BOD1L1: variants seen among roughly 807,000 people sequenced by gnomAD.
The protein encoded by BOD1L1 is biorientation of chromosomes in cell division 1 like 1, also known as biorientation of chromosomes in cell division protein 1-like 1.
Under a neutral mutation model 240.7 loss-of-function variants are expected in BOD1L1, and 86 were observed. The ratio of observed to expected loss-of-function variants is 0.36; its 90% CI spans 0.30 to 0.43. BOD1L1 has a LOEUF of 0.43. Among genes scored for constraint, BOD1L1 ranks in the 20% least tolerant of loss-of-function variants. The pLI is 1.00. For missense variants in BOD1L1, 3,554 were observed against 3,643.5 expected (o/e 0.98, Z 0.63); for synonymous variants, 1,268 against 1,272.3 (o/e 1.00, Z 0.07).
intron 14 of BOD1L1, among the ~76,000 whole-genome samples, chr4:13,589,861 T>G (rs1364272193): frequency 2.0e-5 from 3 of 152,214 alleles, no homozygotes; most frequent in African/African-American, 7.2e-5. Flanking sequence ...TCCCCACTCC[T>G]ATAATAGGAA....
Position 13,568,856 on chromosome 4 carries a change from T to A in BOD1L1, c.*1155A>T, listed in dbSNP as rs540578031. ...AAAAAAAAAACCCATACACACTGAA[T>A]GTAAATTTTAATTATAAAACAAGAA... On this transcript the variant is annotated 3_prime_UTR_variant, in exon 26 of 26. Coordinates refer to ENST00000040738, the MANE Select transcript of BOD1L1 (RefSeq NM_148894.3). 5.9e-5 allele frequency: 9 copies of A among 151,624 alleles called. No individual in the cohort carries two copies. The highest frequency in any genetic ancestry group is 2.0e-4 in the Admixed American group (3 of 15,220). 9.4% of individuals were successfully genotyped at this position (151,624 alleles called of 1,614,324 possible).
In BOD1L1 at chr4:13,604,766, G is replaced by T. The variant is rs370469510; in HGVS notation, c.2134C>A (p.His712Asn). 11 of 1,613,248 alleles carry T rather than the reference G, an allele frequency of 6.8e-6. No individual in the cohort carries two copies. Among genetic ancestry groups the T allele is most frequent in the Non-Finnish European group, 9.3e-6 (11 of 1,179,680 alleles). ...TCTTTCTTAAGTAGGCTTTTCAAAT[G>T]TGGTGTTTCAGAATCATCTTTCTTT... ...HLKKDDSETP[H>N]LKSLLKKEVK... Residue 712 changes from histidine to asparagine, a missense_variant, in exon 10 of 26, where the codon CAT becomes AAT. Coordinates refer to ENST00000040738, the MANE Select transcript of BOD1L1 (RefSeq NM_148894.3).
At chr4:13,597,193 A>G (rs748770019) in intron 10 of BOD1L1, 25 bp from the exon 11 acceptor site, 2 of 1,566,614 alleles carry the variant, frequency 1.3e-6, no homozygotes, top group Admixed American at 3.7e-5. Flanking sequence ...GCCATTTAGT[A>G]CAGTTTAAGA....
intron 5 of BOD1L1, among the ~76,000 whole-genome samples, chr4:13,611,845 G>A (rs1327476657): frequency 2.0e-5 from 3 of 152,216 alleles, no homozygotes; most frequent in East Asian, 3.9e-4. Context: ...GGGAAGAGGT[G>A]GGAATTAATA....
At chr4:13,626,833 G>T (rs1050129375) in intron 1 of BOD1L1, among the ~76,000 whole-genome samples, 5 of 152,094 alleles carry the variant, frequency 3.3e-5, no homozygotes, top group Non-Finnish European at 5.9e-5. Flanking sequence ...GGCAATCACT[G>T]CTAGAAACAA....
At chr4:13,589,037 G>A (rs1713962385) in intron 14 of BOD1L1, among the ~76,000 whole-genome samples, 1 of 152,162 alleles carries the variant, frequency 6.6e-6, no homozygotes, top group African/African-American at 2.4e-5. Context: ...AAGAAGGTCA[G>A]TAACATGTCT....
chr4:13,582,291 T>G lies in BOD1L1; in HGVS notation c.8538A>C (p.Glu2846Asp). Residue 2846 changes from glutamate to aspartate, a missense_variant, in exon 19 of 26, where the codon GAA (glutamate) becomes GAC (aspartate). By Grantham distance (45) the Glu-to-Asp change is conservative. Transcript: ENST00000040738. ...MEEKDEYSSSETTGEKPEQND... is the reference protein window; with the variant it reads ...MEEKDEYSSSDTTGEKPEQND... ...TCTGCTCTGGCTTTTCACCAGTAGT[T>G]TCACTGCTGCTATATTCATCTGTAG... The G allele has an allele frequency of 6.2e-7, 1 of 1,613,278 alleles. No individual in the cohort carries two copies.
At chr4:13,584,061 G>A (rs954440063) in intron 17 of BOD1L1, among the ~76,000 whole-genome samples, 2 of 152,166 alleles carry the variant, frequency 1.3e-5, no homozygotes, top group African/African-American at 4.8e-5. Context: ...TTCAGTGATG[G>A]CACCAGGGCC....
Position 13,578,295 on chromosome 4 carries a change from T to C in BOD1L1, c.8750-664A>G. 6 of 152,320 alleles carry C rather than the reference T, an allele frequency of 3.9e-5. 1 individual carries two copies. In the South Asian group the frequency reaches 1.2e-3, roughly 32 times the overall value. 9.4% of individuals were successfully genotyped at this position (152,320 alleles called of 1,614,324 possible). On this transcript the variant is annotated intron_variant, in intron 22 of 25. Transcript: ENST00000040738. ...GGGCATATAAGGAGCCCACAATATG[T>C]ACCAGTAACTGCAAGTTGGAATGAT...
rs1340829625 is a variant in BOD1L1 at position 13,604,372 on chromosome 4, C to G, written c.2528G>C (p.Arg843Thr). The change falls in exon 10 of 26, where the codon AGA becomes ACA. Residue 843 changes from arginine to threonine, a missense_variant. Arg to Thr is a moderately conservative substitution (Grantham distance 71). Transcript: ENST00000040738. ...CTGAATTTTAGAATCACTTGACCTT[C>G]TTGATTTGTGCTCTGCCTTAGTTTT... is the stretch of plus-strand genomic sequence containing the variant. ...AEKTKAEHKS[R>T]RSSDSKIQKD... 1.3e-6 allele frequency: 2 copies of G among 1,581,198 alleles called. No homozygotes were observed. The highest frequency in any genetic ancestry group is 1.7e-6 in the Non-Finnish European group (2 of 1,170,898).
intron 8 of BOD1L1, 74 bp downstream of exon 8, chr4:13,608,456 T>C: frequency 7.7e-7 from 1 of 1,305,828 alleles, no homozygotes; most frequent in African/African-American, 1.5e-5. Flanking sequence ...CTCTTTACTG[T>C]CACTTCAATT....
intron 9 of BOD1L1, among the ~76,000 whole-genome samples, chr4:13,605,630 G>A (rs1715626647): frequency 6.6e-6 from 1 of 152,068 alleles, no homozygotes; most frequent in Non-Finnish European, 1.5e-5. Flanking sequence ...TAATAAATAT[G>A]AGCTGAATAA....
At position 13,602,048 on chromosome 4, in the gene BOD1L1, A is replaced by G; in HGVS notation, c.4852T>C (p.Cys1618Arg). ...CTGTCCTCAGATTCAGCCACAGCAC[A>G]CTCCCCACTTTCCCCTTCCTTAGTG... is the stretch of plus-strand genomic sequence containing the variant. The part of the protein sequence containing the change: ...TSTKEGESGE[C>R]AVAESEDRAA... The change falls in exon 10 of 26, where the codon TGT (cysteine) becomes CGT (arginine). Residue 1618 changes from cysteine to arginine, a missense_variant. Physicochemically the swap from Cys to Arg is radical, Grantham distance 180. This residue lies in a region of BOD1L1 where 3,393 missense variants were observed against 3,427.1 expected (regional missense o/e 0.99). Coordinates refer to ENST00000040738, the MANE Select transcript of BOD1L1 (RefSeq NM_148894.3). The G allele has an allele frequency of 6.2e-7, 1 of 1,613,682 alleles. No individual in the cohort carries two copies. Among genetic ancestry groups the G allele is most frequent in the Non-Finnish European group, 8.5e-7 (1 of 1,179,826 alleles).
chr4:13,601,728 C>T lies in BOD1L1; in HGVS notation c.5172G>A (p.Glu1724=). ...CTGCTCCTGTACATGTCACAGTGCCCTCTGTTTCTTTTTTGGGACCCATTC... is the reference window on the plus strand; with the variant it reads ...CTGCTCCTGTACATGTCACAGTGCCTTCTGTTTCTTTTTTGGGACCCATTC... ...MMRMGPKKET[E]GTVTCTGAEG... is the part of the protein sequence containing the mutation. The change falls in exon 10 of 26, where the codon GAG becomes GAA. Residue 1724 remains glutamate, a synonymous_variant. Transcript: ENST00000040738. 1 of 1,613,974 alleles carries T rather than the reference C, an allele frequency of 6.2e-7. No homozygotes were observed. The highest frequency in any genetic ancestry group is 2.2e-5 in the East Asian group (1 of 44,880).
intron 25 of BOD1L1, among the ~76,000 whole-genome samples, chr4:13,573,484 C>CTTTCTT (rs1712414108): frequency 6.8e-6 from 1 of 147,144 alleles, no homozygotes; most frequent in South Asian, 2.1e-4. Flanking sequence ...TTCTTTCTTT[C>CTTTCTT]TTTCTTTCTT....
chr4:13,588,521 A>C (rs1713910297), intron 15 of BOD1L1, among the ~76,000 whole-genome samples: 1 of 152,196 alleles, frequency 6.6e-6, no homozygotes, highest in African/African-American at 2.4e-5. Flanking sequence ...CAACGTGGGC[A>C]CTTCCAAACA....
intron 1 of BOD1L1, among the ~76,000 whole-genome samples, chr4:13,622,095 C>A (rs1261834076): frequency 6.6e-6 from 1 of 152,088 alleles, no homozygotes; most frequent in African/African-American, 2.4e-5. Flanking sequence ...GAACTCCTAA[C>A]CTCAAGTGAT....
intron 25 of BOD1L1, among the ~76,000 whole-genome samples, 176 bp downstream of exon 25, chr4:13,576,662 A>C (rs539003152): frequency 2.0e-5 from 3 of 152,296 alleles, no homozygotes; most frequent in East Asian, 3.9e-4. Flanking sequence ...ATGGTTTAGG[A>C]CAGAAAATGT....
At chr4:13,623,648 CTGGACAGTT>C (rs1242273716) in intron 1 of BOD1L1, 1 of 152,190 alleles carries the variant, frequency 6.6e-6, no homozygotes. Context: ...ATCAATGACC[CTGGACAGTT>C]TGGAGGGGGG....
Sources: gnomAD v4.1 joint callset for allele counts (sites outside exome capture counted in the v4.1 genomes callset) on GRCh38, gnomAD v4.1.1 for gene constraint, gnomAD v4.1.1 regional missense constraint, MANE v1.5 for transcripts, NCBI Gene and HGNC (gene_info 2026-07-23, HGNC 2026-07-21) for gene names.